TTC3: variants seen among roughly 807,000 people sequenced by gnomAD.
TTC3 encodes the protein tetratricopeptide repeat domain 3.
TTC3 carries 180 observed loss-of-function variants against 249.6 expected under a neutral mutation model. That is an observed-to-expected ratio of 0.72 (90% confidence interval 0.64 to 0.82). The LOEUF is 0.82. TTC3 is among the 40% of genes least tolerant of loss of function. The pLI is 0.00. For missense variants in TTC3, 2,061 were observed against 2,398.4 expected (o/e 0.86, Z 2.94); for synonymous variants, 717 against 805.0 (o/e 0.89, Z 1.85).
intron 11 of TTC3, among the ~76,000 whole-genome samples, chr21:37,115,926 A>G (rs1601549804): frequency 1.3e-5 from 2 of 152,200 alleles, no homozygotes; most frequent in Non-Finnish European, 2.9e-5. Context: ...TAAAATGCCA[A>G]ACACCTCACT....
intron 28 of TTC3, among the ~76,000 whole-genome samples, chr21:37,157,655 G>A (rs1569091472): frequency 6.6e-6 from 1 of 152,176 alleles, no homozygotes; most frequent in Non-Finnish European, 1.5e-5. Context: ...AGTGGAATTA[G>A]AAAGCTGGGT....
intron 36 of TTC3, among the ~76,000 whole-genome samples, chr21:37,184,564 C>T (rs1285066150): frequency 6.6e-6 from 1 of 151,736 alleles, no homozygotes; most frequent in African/African-American, 2.4e-5. Context: ...AAGCAATTCT[C>T]CTGTCTCAGC....
At chr21:37,114,959 A>T (rs1193858436) in intron 11 of TTC3, among the ~76,000 whole-genome samples, 1 of 151,842 alleles carries the variant, frequency 6.6e-6, no homozygotes, top group Non-Finnish European at 1.5e-5. Context: ...GCATGTTCTC[A>T]CTCATAGGTG....
chr21:37,073,733 C>T lies in TTC3; in HGVS notation c.-12+369C>T, dbSNP rs566291908. ...GACACCTCCGCTGGGTGGAGGCGCT[C>T]GCGTGTCGCCTCGTCGCCCCTTTTG... On this transcript the variant is annotated intron_variant, in intron 1 of 45. Transcript: ENST00000355666. 5.6e-4 allele frequency among the ~76,000 whole-genome samples: 86 copies of T among 152,234 alleles called. 1 individual carries two copies. The highest frequency in any genetic ancestry group is 2.0e-3 in the African/African-American group (83 of 41,562).
chr21:37,175,602 A>G (rs1483505138), intron 35 of TTC3, among the ~76,000 whole-genome samples: 1 of 150,550 alleles, frequency 6.6e-6, no homozygotes, highest in African/African-American at 2.4e-5. Context: ...CATCTCAAAA[A>G]AAAAAAAAAA....
At chr21:37,087,326 G>A in exon 2 of TTC3, 1 of 1,614,050 alleles carries the variant, frequency 6.2e-7, no homozygotes, top group Non-Finnish European at 8.5e-7. Context: ...GCCCTCACGT[G>A]GATGATTGTG....
intron 18 of TTC3, among the ~76,000 whole-genome samples, chr21:37,136,442 T>C (rs1223647069): frequency 6.6e-6 from 1 of 152,196 alleles, no homozygotes; most frequent in Non-Finnish European, 1.5e-5. Context: ...GAAACAACTT[T>C]CTTGCCGATG....
At chr21:37,157,123 T>A (rs1331714495) in intron 28 of TTC3, 1 of 1,434,626 alleles carries the variant, frequency 7.0e-7, no homozygotes, top group Non-Finnish European at 9.4e-7. Flanking sequence ...AATGTAGGTA[T>A]GTTATGCTAA....
rs143593976 is a variant in TTC3, at chr21:37,125,568, G to A, written c.1234-512G>A. On this transcript the variant is annotated intron_variant, in intron 14 of 45. Coordinates refer to ENST00000355666, the Ensembl canonical transcript of TTC3. ...ATCTCCTGTATCTCTCTGTATCTAT[G>A]GTAGACCTAAATCATAATAATGATC... Among the ~76,000 whole-genome samples the A allele has an allele frequency of 1.5e-3, 224 of 151,814 alleles. 2 individuals carry two copies. Among genetic ancestry groups the A allele is most frequent in the African/African-American group, 4.9e-3 (205 of 41,430 alleles).
At position 37,111,330 on chromosome 21, in the gene TTC3, T is replaced by C. The variant is rs144081928; in HGVS notation, c.900+2884T>C. 9.8e-3 allele frequency among the ~76,000 whole-genome samples: 1,489 copies of C among 152,076 alleles called. 25 individuals are homozygous for C. Among genetic ancestry groups the C allele is most frequent in the African/African-American group, 0.034 (1,393 of 41,488 alleles). On this transcript the variant is annotated intron_variant, in intron 11 of 45. Coordinates refer to ENST00000355666, the Ensembl canonical transcript of TTC3. ...AACCCATCTCACGTGCAGAGACATA[T>C]AGGCTCAAAATAAAGGGATGGAGGA...
intron 21 of TTC3, among the ~76,000 whole-genome samples, chr21:37,146,717 G>C (rs117132214): frequency 7.4e-4 from 113 of 152,300 alleles, no homozygotes; most frequent in Admixed American, 5.0e-3. Flanking sequence ...AATGAGGAGG[G>C]ACTGCTAATG....
chr21:37,182,818 A>G, exon 36 of TTC3: 1 of 1,596,322 alleles, frequency 6.3e-7, no homozygotes, highest in African/African-American at 1.4e-5. Flanking sequence ...ATTTGGAAAG[A>G]GAAATTAAAA....
chr21:37,110,452 G>T (rs929711081), intron 11 of TTC3, among the ~76,000 whole-genome samples: 16 of 152,192 alleles, frequency 1.1e-4, no homozygotes, highest in African/African-American at 3.9e-4. Context: ...GGAAGAAAGG[G>T]TATCAGCGAT....
chr21:37,178,552 T>C (rs552722485), intron 35 of TTC3, among the ~76,000 whole-genome samples: 3 of 152,324 alleles, frequency 2.0e-5, no homozygotes, highest in East Asian at 3.9e-4. Context: ...AGGCTAATGA[T>C]GTTGAGCATC....
chr21:37,113,085 A>C (rs1225081794), intron 11 of TTC3, among the ~76,000 whole-genome samples: 10 of 152,242 alleles, frequency 6.6e-5, no homozygotes, highest in African/African-American at 2.4e-4. Flanking sequence ...AGCCAATATC[A>C]TACTGAATGG....
intron 1 of TTC3, chr21:37,085,749 T>G (rs911280723): frequency 6.6e-6 from 1 of 152,224 alleles, no homozygotes; most frequent in East Asian, 1.9e-4. Context: ...GACCTCGATG[T>G]GGCTGGGATG....
At chr21:37,191,534 AT>A (rs1029010531) in intron 40 of TTC3, 110 bp downstream of exon 40, 92 of 629,276 alleles carry the variant, frequency 1.5e-4, no homozygotes, top group South Asian at 1.8e-4. Flanking sequence ...ATTATCAATA[AT>A]TTTTTTTGTT....
chr21:37,131,255 G>A (rs180791653), intron 16 of TTC3, among the ~76,000 whole-genome samples: 68 of 152,256 alleles, frequency 4.5e-4, no homozygotes, highest in Admixed American at 4.2e-3. Context: ...CCTGATTAGA[G>A]GGTTAAGACT....
chr21:37,117,703 C>T lies in TTC3; in HGVS notation c.901-4114C>T, dbSNP rs563122775. ...GACCAGCCTGAGCAACATGGCAAAA[C>T]CATATCTTTACAAAAAATTAGTTGG... On this transcript the variant is annotated intron_variant, in intron 11 of 45. Coordinates refer to ENST00000355666, the Ensembl canonical transcript of TTC3. Among the ~76,000 whole-genome samples the T allele has an allele frequency of 4.6e-5, 7 of 152,006 alleles. No homozygotes were observed. The East Asian group carries it at 1.2e-3, about 25-fold the overall frequency.
Sources: allele counts gnomAD v4.1 joint callset (sites outside exome capture counted in the v4.1 genomes callset), GRCh38; gene constraint gnomAD v4.1.1; transcripts MANE v1.5; gene names NCBI Gene and HGNC (gene_info 2026-07-23, HGNC 2026-07-21).